Variants in MTM1 observed in about 807,000 individuals in gnomAD.
The protein encoded by MTM1 is myotubularin 1.
A neutral mutation model predicts 52.1 loss-of-function variants in MTM1; 9 were observed. The observed-to-expected ratio is 0.17, with a 90% confidence interval of 0.10 to 0.30. The LOEUF (loss-of-function observed/expected upper bound fraction) is 0.30. Among genes scored for constraint, MTM1 ranks in the 10% least tolerant of loss-of-function variants. The pLI is 1.00. For missense variants in MTM1, 277 were observed against 470.7 expected (o/e 0.59, Z 3.81); for synonymous variants, 136 against 163.8 (o/e 0.83, Z 1.29).
intron 1 of MTM1, among the ~76,000 whole-genome samples, chrX:150,570,596 G>A: frequency 9.0e-6 from 1 of 111,318 alleles, no homozygotes; most frequent in East Asian, 2.8e-4. Context: ...TTCATAGTTA[G>A]ATAGCTGACT....
At chrX:150,609,911 C>T (rs1342829110) in intron 4 of MTM1, among the ~76,000 whole-genome samples, 1 of 111,844 alleles carries the variant, frequency 8.9e-6, no homozygotes, top group Non-Finnish European at 1.9e-5. Context: ...ACCAGTTAAT[C>T]ATGGCATTCC....
At chrX:150,605,495 A>G (rs988387767) in intron 4 of MTM1, among the ~76,000 whole-genome samples, 9 of 112,825 alleles carry the variant, frequency 8.0e-5, no homozygotes, top group African/African-American at 2.9e-4. Context: ...CAGTGATTCA[A>G]TTCTTCAGGC....
intron 1 of MTM1, among the ~76,000 whole-genome samples, chrX:150,578,335 A>G (rs1284359134): frequency 9.0e-6 from 1 of 111,730 alleles, no homozygotes; most frequent in African/African-American, 3.3e-5. Context: ...TGAGCTTGGA[A>G]GCAGATTTTC....
intron 1 of MTM1, among the ~76,000 whole-genome samples, chrX:150,574,368 A>T (rs2038432857): frequency 9.0e-6 from 1 of 111,013 alleles, no homozygotes; most frequent in African/African-American, 3.3e-5. Flanking sequence ...GAGACCCACC[A>T]CCGACTCCTT....
intron 1 of MTM1, among the ~76,000 whole-genome samples, chrX:150,574,966 G>A (rs1451263087): frequency 2.7e-5 from 3 of 112,245 alleles, no homozygotes; most frequent in Admixed American, 1.9e-4. Context: ...AAGCTGAAGC[G>A]TTTAGGAAGC....
intron 4 of MTM1, among the ~76,000 whole-genome samples, chrX:150,611,484 T>C (rs2039276118): frequency 8.9e-6 from 1 of 112,039 alleles, no homozygotes; most frequent in Admixed American, 9.5e-5. Context: ...ACTCGTACAC[T>C]TTTTTGCTTT....
chrX:150,669,858 C>G (rs782192035), intron 14 of MTM1, among the ~76,000 whole-genome samples: 1 of 112,244 alleles, frequency 8.9e-6, no homozygotes, highest in Non-Finnish European at 1.9e-5. Flanking sequence ...TTTTGCTGTG[C>G]AGAAGCTCTT....
intron 1 of MTM1, among the ~76,000 whole-genome samples, chrX:150,579,294 T>C (rs1281002920): frequency 9.0e-6 from 1 of 110,766 alleles, no homozygotes; most frequent in Non-Finnish European, 1.9e-5. Flanking sequence ...CCTCAGGTAA[T>C]CTGCCCGCCT....
At chrX:150,649,474 A>AT (rs1160311041) in intron 9 of MTM1, among the ~76,000 whole-genome samples, 7 of 111,981 alleles carry the variant, frequency 6.3e-5, no homozygotes, top group African/African-American at 1.9e-4. Flanking sequence ...TTTGAGGATG[A>AT]TTTTTTTCCT....
chrX:150,663,681 T>A (rs931789038), intron 14 of MTM1, 72 bp downstream of exon 14: 14 of 975,942 alleles, frequency 1.4e-5, no homozygotes, highest in Non-Finnish European at 2.0e-5. Context: ...TTGGTATGGA[T>A]TTTTTTTAAC....
At chrX:150,654,003 G>A (rs1460313982) in intron 10 of MTM1, among the ~76,000 whole-genome samples, 1 of 111,498 alleles carries the variant, frequency 9.0e-6, no homozygotes, top group Non-Finnish European at 1.9e-5. Flanking sequence ...CCCAAAGCAC[G>A]AGATATCAAA....
chrX:150,660,235 T>C (rs1557414624), intron 12 of MTM1, 136 bp from the exon 13 acceptor site: 1 of 482,819 alleles, frequency 2.1e-6, no homozygotes, highest in East Asian at 3.7e-5. Flanking sequence ...GTAGTGTGTG[T>C]GCAGATTACA....
At position 150,624,690 on chromosome X, in the gene MTM1, A is replaced by G. The variant is rs182818797; in HGVS notation, c.444+5551A>G. Reference sequence around the variant, plus strand: ...GAATAGAATAGAATAAGAGCATAACATAATATGGATAAGTGTGGCTACGTG... The same window carrying G: ...GAATAGAATAGAATAAGAGCATAACGTAATATGGATAAGTGTGGCTACGTG... On this transcript the variant is annotated intron_variant, in intron 6 of 14. Coordinates refer to ENST00000370396, the MANE Select transcript of MTM1 (RefSeq NM_000252.3). Among the ~76,000 whole-genome samples, 215 of 112,082 alleles carry G rather than the reference A, an allele frequency of 1.9e-3. 1 individual carries two copies. The highest frequency in any genetic ancestry group is 6.5e-3 in the African/African-American group (201 of 30,828).
At chrX:150,624,112 CTT>C (rs1448183595) in intron 6 of MTM1, among the ~76,000 whole-genome samples, 1 of 111,792 alleles carries the variant, frequency 8.9e-6, no homozygotes, top group African/African-American at 3.3e-5. Flanking sequence ...CGACTTAACA[CTT>C]TGAATTGAAC....
chrX:150,638,411 G>A (rs1279709776), intron 6 of MTM1, among the ~76,000 whole-genome samples: 1 of 110,243 alleles, frequency 9.1e-6, no homozygotes, highest in African/African-American at 3.3e-5. Flanking sequence ...GAGAAGAGGT[G>A]AGAGGTCTGA....
intron 1 of MTM1, among the ~76,000 whole-genome samples, chrX:150,581,332 T>G (rs920413026): frequency 7.1e-5 from 8 of 112,189 alleles, no homozygotes; most frequent in African/African-American, 2.6e-4. Flanking sequence ...CTTTGAAGAA[T>G]AACTCAGCTA....
chrX:150,644,138 T>G (rs1603190865), intron 8 of MTM1, among the ~76,000 whole-genome samples: 1 of 111,477 alleles, frequency 9.0e-6, no homozygotes, highest in Middle Eastern at 4.7e-3. Flanking sequence ...TTTCTCAAAT[T>G]ATTAAAATAA....
At chrX:150,654,158 G>A (rs1328122550) in intron 10 of MTM1, among the ~76,000 whole-genome samples, 1 of 112,261 alleles carries the variant, frequency 8.9e-6, no homozygotes, top group East Asian at 2.8e-4. Flanking sequence ...CTCTGGTATA[G>A]TTTTATTAGA....
At chrX:150,644,634 A>G (rs1557413929) in intron 8 of MTM1, among the ~76,000 whole-genome samples, 2 of 111,368 alleles carry the variant, frequency 1.8e-5, no homozygotes, top group Non-Finnish European at 3.8e-5. Context: ...TTGTATCTGC[A>G]TTTTGTAGTT....
Sources: allele counts gnomAD v4.1 joint callset (sites outside exome capture counted in the v4.1 genomes callset), GRCh38; gene constraint gnomAD v4.1.1; transcripts MANE v1.5; gene names NCBI Gene and HGNC (gene_info 2026-07-23, HGNC 2026-07-21).